ADAM12: variants seen among roughly 807,000 people sequenced by gnomAD.
The protein encoded by ADAM12 is disintegrin and metalloproteinase domain-containing protein 12.
ADAM12 carries 70 observed loss-of-function variants against 106.4 expected under a neutral mutation model. That is an observed-to-expected ratio of 0.66 (90% CI 0.54 to 0.80). The LOEUF (loss-of-function observed/expected upper bound fraction) is 0.80. Among genes scored for constraint, ADAM12 ranks in the 30% least tolerant of loss-of-function variants. The probability of loss-of-function intolerance (pLI) is 0.00; values close to 1 mark genes in which losing one functional copy is unlikely to be tolerated. For synonymous variants in ADAM12, 420 were observed against 433.5 expected, an observed-to-expected ratio of 0.97 and a Z score of 0.39; for missense variants, 1,010 against 1,171.9, an observed-to-expected ratio of 0.86 and a Z score of 2.02.
intron 11 of ADAM12, among the ~76,000 whole-genome samples, chr10:126,081,255 T>G (rs1448740798): frequency 6.6e-6 from 1 of 151,974 alleles, no homozygotes; most frequent in Non-Finnish European, 1.5e-5. Context: ...GGAAGAAGGA[T>G]GGAACAGCCA....
At chr10:126,165,642 G>A (rs559360219) in intron 3 of ADAM12, among the ~76,000 whole-genome samples, 13 of 152,280 alleles carry the variant, frequency 8.5e-5, no homozygotes, top group African/African-American at 2.6e-4. Context: ...AAGACCACCT[G>A]TTCCTAACCA....
intron 3 of ADAM12, among the ~76,000 whole-genome samples, chr10:126,205,145 G>C (rs564807752): frequency 1.3e-5 from 2 of 152,224 alleles, no homozygotes; most frequent in Admixed American, 1.3e-4. Context: ...TAGCAGGAGA[G>C]CCTGACCAAG....
intron 3 of ADAM12, among the ~76,000 whole-genome samples, chr10:126,252,488 G>A (rs183019787): frequency 7.9e-4 from 120 of 152,306 alleles, no homozygotes; most frequent in Non-Finnish European, 1.3e-3. Flanking sequence ...TAAGGCCAAA[G>A]GTCTGAGGAC....
At chr10:126,067,485 G>A (rs146376702) in intron 12 of ADAM12, among the ~76,000 whole-genome samples, 1 of 152,370 alleles carries the variant, frequency 6.6e-6, no homozygotes, top group East Asian at 1.9e-4. Flanking sequence ...TAGATGTACT[G>A]TCCTCTCTGA....
intron 3 of ADAM12, among the ~76,000 whole-genome samples, chr10:126,259,805 G>T (rs1958964848): frequency 2.0e-5 from 3 of 152,208 alleles, no homozygotes; most frequent in Non-Finnish European, 4.4e-5. Context: ...GTAAGGTTTG[G>T]TGGGCCAAAC....
intron 11 of ADAM12, among the ~76,000 whole-genome samples, chr10:126,092,806 C>T (rs1955490516): frequency 6.6e-6 from 1 of 152,196 alleles, no homozygotes; most frequent in Non-Finnish European, 1.5e-5. Context: ...CCTGATGGCT[C>T]CCATGAAAGG....
rs770368381 is a variant in ADAM12 at position 126,388,113 on chromosome 10, G to A, written c.33C>T (p.Ala11=). The A allele has an allele frequency of 6.2e-5, 76 of 1,227,038 alleles. No individual in the cohort carries two copies. Among genetic ancestry groups the A allele is most frequent in the Non-Finnish European group, 7.3e-5 (72 of 984,276 alleles). The allele number at this position is 1,227,038 out of a possible 1,614,324, so 76.0% of individuals were successfully genotyped here. Residue 11 remains alanine, a synonymous_variant, in exon 1 of 23, where the codon GCC becomes GCT. Transcript: ENST00000448723. This position sits in a 1 kb window ranked among gnomAD's most constrained non-coding sequence, Gnocchi z 4.4. MAARPLPVSP[A]RALLLALAGA... ...CGGCCAGGGCGAGCAGGAGGGCGCGGGCGGGGGACACGGGCAGCGGGCGCG... is the reference window on the plus strand; with the variant it reads ...CGGCCAGGGCGAGCAGGAGGGCGCGAGCGGGGGACACGGGCAGCGGGCGCG...
chr10:126,060,783 C>A (rs1278273), intron 14 of ADAM12, among the ~76,000 whole-genome samples: 96,038 of 152,022 alleles, frequency 0.63, 31,048 homozygotes, highest in African/African-American at 0.78. Context: ...TCACATCCGC[C>A]CTCCCCTCCA....
intron 1 of ADAM12, among the ~76,000 whole-genome samples, chr10:126,364,129 G>A (rs1396444234): frequency 2.6e-5 from 4 of 151,776 alleles, no homozygotes; most frequent in Admixed American, 2.6e-4. Flanking sequence ...ATAAAATTCA[G>A]TATCCAATAC....
chr10:126,086,314 T>A (rs1043281849), intron 11 of ADAM12, among the ~76,000 whole-genome samples: 1 of 152,098 alleles, frequency 6.6e-6, no homozygotes, highest in African/African-American at 2.4e-5. Flanking sequence ...CTTTATGTCC[T>A]GGGGCTTCTA....
intron 3 of ADAM12, among the ~76,000 whole-genome samples, chr10:126,240,114 AGT>A (rs1185774939): frequency 2.7e-5 from 4 of 150,464 alleles, no homozygotes; most frequent in Non-Finnish European, 4.4e-5. Context: ...TCAGCAGTGA[AGT>A]GCTGTATCCA....
At chr10:126,207,873 T>C (rs1184828053) in intron 3 of ADAM12, among the ~76,000 whole-genome samples, 7 of 152,182 alleles carry the variant, frequency 4.6e-5, no homozygotes, top group Admixed American at 4.6e-4. Flanking sequence ...TACAAAAATA[T>C]ACAGAAACCC....
rs55814301 is a variant in ADAM12, at chr10:126,128,863, G to T, written c.416+6721C>A. On this transcript the variant is annotated intron_variant, in intron 5 of 22. Transcript: ENST00000448723. ...CGTGTGGGAATGTGTGCAAGTGGGC[G>T]CCTGTGCGAGTGTGTGGTGCGCGTG... 1.1e-4 allele frequency among the ~76,000 whole-genome samples: 17 copies of T among 148,742 alleles called. No individual in the cohort carries two copies. In the South Asian group the frequency reaches 3.4e-3, roughly 30 times the overall value.
rs1184703224 is a variant in ADAM12, at chr10:126,229,669, A to G, written c.260+49246T>C. Among the ~76,000 whole-genome samples the G allele has an allele frequency of 3.7e-5, 4 of 109,068 alleles. No homozygotes were observed. The East Asian group carries it at 1.3e-3, about 35-fold the overall frequency. The allele number at this position is 109,068 out of a possible 152,430, so 71.6% of individuals were successfully genotyped here. A position where few individuals can be genotyped will look rare whatever the true frequency, so the allele number is the denominator to read the frequency against. On this transcript the variant is annotated intron_variant, in intron 3 of 22. Coordinates refer to ENST00000448723, the MANE Select transcript of ADAM12 (RefSeq NM_001288973.2). ...CCCCCCACTGTCTCCCTCCAGTCCT[A>G]TTCTCTTTATCTCTCCCGCCTCCTT...
At chr10:126,280,091 TTAAC>T (rs1345124120) in intron 2 of ADAM12, among the ~76,000 whole-genome samples, 1 of 152,232 alleles carries the variant, frequency 6.6e-6, no homozygotes, top group Admixed American at 6.5e-5. Flanking sequence ...ATACCATGAC[TTAAC>T]TAACCACATG....
intron 6 of ADAM12, among the ~76,000 whole-genome samples, chr10:126,116,593 G>A (rs564745181): frequency 1.3e-5 from 2 of 152,170 alleles, no homozygotes; most frequent in South Asian, 4.2e-4. Flanking sequence ...ATGTCAAGGT[G>A]AGCCACAGTA....
At chr10:126,239,402 T>A (rs1432787069) in intron 3 of ADAM12, among the ~76,000 whole-genome samples, 5 of 152,230 alleles carry the variant, frequency 3.3e-5, no homozygotes, top group Non-Finnish European at 7.3e-5. Flanking sequence ...GAATTTTTTG[T>A]TGAAAATTTC....
In ADAM12 at chr10:126,056,633, GATATTCC is replaced by G. The variant is rs1954638479; in HGVS notation, c.1610-6971_1610-6965del. 2.2e-4 allele frequency among the ~76,000 whole-genome samples: 7 copies of G among 31,930 alleles called. 1 individual carries two copies. The highest frequency in any genetic ancestry group is 1.2e-3 in the South Asian group (1 of 822). 20.9% of individuals were successfully genotyped at this position (31,930 alleles called of 152,430 possible). ...GTTTACAATGCTTACTCTTGAGTGT[GATATTCC>G]CCTTCCTGTGTCCATGTGATCTCAT... On this transcript the variant is annotated intron_variant, in intron 14 of 22. Transcript: ENST00000448723.
intron 14 of ADAM12, among the ~76,000 whole-genome samples, chr10:126,050,689 T>G (rs1338305522): frequency 2.0e-5 from 3 of 152,202 alleles, no homozygotes; most frequent in Non-Finnish European, 4.4e-5. Flanking sequence ...GATGTTCTTC[T>G]TACTAAAAAC....
Sources: gnomAD v4.1 joint callset for allele counts (sites outside exome capture counted in the v4.1 genomes callset) on GRCh38, gnomAD v4.1.1 for gene constraint, Gnocchi (gnomAD v3.1) non-coding constraint, MANE v1.5 for transcripts, NCBI Gene and HGNC (gene_info 2026-07-23, HGNC 2026-07-21) for gene names.